The following ZAP70 variants were observed in gnomAD, a reference collection of about 807,000 sequenced individuals.
ZAP70 encodes tyrosine-protein kinase ZAP-70.
Under a neutral mutation model 65.8 loss-of-function variants are expected in ZAP70, and 27 were observed. The ratio of observed to expected loss-of-function variants is 0.41; its 90% CI spans 0.30 to 0.57. The LOEUF (loss-of-function observed/expected upper bound fraction) is 0.57. ZAP70 is among the 20% of genes least tolerant of loss of function. The pLI is 0.28. For synonymous variants in ZAP70, 363 were observed against 360.8 expected (o/e 1.01, Z -0.07); for missense variants, 696 against 870.5 (o/e 0.80, Z 2.52).
chr2:97,732,419 G>A (rs545204750), intron 4 of ZAP70, among the ~76,000 whole-genome samples: 2 of 152,162 alleles, frequency 1.3e-5, no homozygotes, highest in African/African-American at 4.8e-5. Context: ...GTTGTAGAAG[G>A]CCAAGTGCCC....
intron 8 of ZAP70, 94 bp from the exon 9 acceptor site, chr2:97,734,426 C>G: frequency 6.7e-7 from 1 of 1,487,790 alleles, no homozygotes; most frequent in South Asian, 1.3e-5. Context: ...AGGGACGGCA[C>G]CCTTGTCTGG....
At position 97,716,736 on chromosome 2, in the gene ZAP70, T is replaced by C. The variant is rs1573247379; in HGVS notation, c.-22+2742T>C. The stretch of plus-strand genomic sequence containing the variant: ...GAGTGGCGGGGGGTGGTGATGGGCA[T>C]CATGAAGGGCCTTGGGGGCCACCCT... On this transcript the variant is annotated intron_variant, in intron 2 of 13. Transcript: ENST00000264972. Among the ~76,000 whole-genome samples the C allele has an allele frequency of 2.0e-5, 3 of 151,854 alleles. 1 individual carries two copies. The highest frequency in any genetic ancestry group is 2.0e-4 in the Admixed American group (3 of 15,252).
At chr2:97,745,108 G>A in the ZAP70 span, among the ~76,000 whole-genome samples, 17 of 152,080 alleles carry the variant, frequency 1.1e-4, no homozygotes, top group African/African-American at 3.4e-4. Context: ...GTGCAATCTC[G>A]GCTCACTACA....
chr2:97,737,696 G>A lies in ZAP70; in HGVS notation c.1482+31G>A. ...CCTCTGCCCCTGTGATGCCCGACTGGATGGGCTGGGTGGGTAGAGGGTCCC... is the reference window on the plus strand; with the variant it reads ...CCTCTGCCCCTGTGATGCCCGACTGAATGGGCTGGGTGGGTAGAGGGTCCC... On this transcript the variant is annotated intron_variant, in intron 11 of 13. Transcript: ENST00000264972. This position sits in a 1 kb window ranked among gnomAD's most constrained non-coding sequence, Gnocchi z 5.0. 1 of 1,614,060 alleles carries A rather than the reference G, an allele frequency of 6.2e-7. No individual in the cohort carries two copies. The highest frequency in any genetic ancestry group is 1.1e-5 in the South Asian group (1 of 91,088).
intron 4 of ZAP70, among the ~76,000 whole-genome samples, chr2:97,732,004 G>A (rs1677630496): frequency 6.6e-6 from 1 of 152,144 alleles, no homozygotes; most frequent in African/African-American, 2.4e-5. Context: ...GATGCTGACT[G>A]GTGTCACTGT....
the ZAP70 span, chr2:97,756,304 C>A: frequency 2.6e-5 from 4 of 152,138 alleles, no homozygotes; most frequent in African/African-American, 9.7e-5. Context: ...AATAAATACA[C>A]CTTGTGTGTA....
chr2:97,739,367 C>T lies in ZAP70; in HGVS notation c.1737-8C>T. 1 of 1,613,322 alleles carries T rather than the reference C, an allele frequency of 6.2e-7. No homozygotes were observed. Among genetic ancestry groups the T allele is most frequent in the South Asian group, 1.1e-5 (1 of 91,060 alleles). ...GTCAGCAGCCTGGATGTACCCCACG[C>T]CCCACAGGTGGGAGGATCGCCCCGA... On this transcript the variant is annotated splice_region_variant and splice_polypyrimidine_tract_variant and intron_variant, in intron 13 of 13. Transcript: ENST00000264972.
At chr2:97,735,085 C>G in intron 9 of ZAP70, 165 bp from the exon 10 acceptor site, 1 of 816,842 alleles carries the variant, frequency 1.2e-6, no homozygotes, top group Non-Finnish European at 1.9e-6. Flanking sequence ...CCTCAGCAGA[C>G]GCTCCAGGCT....
chr2:97,755,312 T>A, the ZAP70 span, among the ~76,000 whole-genome samples: 1 of 152,164 alleles, frequency 6.6e-6, no homozygotes, highest in Non-Finnish European at 1.5e-5. Flanking sequence ...AAAATTTAGA[T>A]GTGTAGTCTT....
At chr2:97,714,318 A>G (rs1203706492) in intron 2 of ZAP70, among the ~76,000 whole-genome samples, 2 of 152,122 alleles carry the variant, frequency 1.3e-5, no homozygotes, top group East Asian at 3.9e-4. Context: ...CTCCAGAGAA[A>G]GCGCATGTGC....
At chr2:97,740,268 C>T (rs76144507), downstream of ZAP70, among the ~76,000 whole-genome samples, 93 of 152,284 alleles carry the variant, frequency 6.1e-4, no homozygotes, top group Middle Eastern at 3.4e-3. Flanking sequence ...GGTAGATGCA[C>T]GTATTAGCTC....
Position 97,723,997 on chromosome 2 carries a change from A to G in ZAP70, c.-21-19A>G. ...TCAGGAAGGCCCTGACGTGCCTCCG[A>G]CCCTCTGTGAACCCGCAGGTTTCGG... On this transcript the variant is annotated intron_variant, in intron 2 of 13. Transcript: ENST00000264972. The G allele has an allele frequency of 6.5e-7, 1 of 1,537,226 alleles. No individual in the cohort carries two copies. The highest frequency in any genetic ancestry group is 1.4e-5 in the African/African-American group (1 of 73,116).
At chr2:97,744,848 G>A (rs904069067), downstream of ZAP70, among the ~76,000 whole-genome samples, 2 of 152,034 alleles carry the variant, frequency 1.3e-5, no homozygotes, top group South Asian at 4.1e-4. Context: ...TAACTAAAAT[G>A]GATCAATGAC....
chr2:97,740,435 T>C (rs772465182), downstream of ZAP70, among the ~76,000 whole-genome samples: 8 of 152,240 alleles, frequency 5.3e-5, no homozygotes, highest in Non-Finnish European at 5.9e-5. Flanking sequence ...TCAGTTTTAT[T>C]AAAATTCATT....
chr2:97,716,826 G>T (rs2104638206), intron 2 of ZAP70, among the ~76,000 whole-genome samples: 1 of 152,244 alleles, frequency 6.6e-6, no homozygotes, highest in Non-Finnish European at 1.5e-5. Context: ...AGAAGAGGAT[G>T]TGATGGCATG....
the ZAP70 span, among the ~76,000 whole-genome samples, chr2:97,752,866 C>T: frequency 2.6e-5 from 4 of 152,144 alleles, no homozygotes; most frequent in African/African-American, 9.6e-5. Context: ...TGGGATTGGT[C>T]TATATTTTAA....
At position 97,724,736 on chromosome 2, in the gene ZAP70, G is replaced by T. The variant is rs565708035; in HGVS notation, c.402+298G>T. Reference sequence around the variant, plus strand: ...AGGCGAGGCTTGGAATGGGGGCGGGGCTGAGAGGAGGGTGCGCGGGGCTAG... The same window carrying T: ...AGGCGAGGCTTGGAATGGGGGCGGGTCTGAGAGGAGGGTGCGCGGGGCTAG... On this transcript the variant is annotated intron_variant, in intron 3 of 13. Coordinates refer to ENST00000264972, the MANE Select transcript of ZAP70 (RefSeq NM_001079.4). The T allele has an allele frequency of 4.7e-5, 71 of 1,509,232 alleles. No individual in the cohort carries two copies. In the Admixed American group the frequency reaches 7.0e-4, roughly 15 times the overall value. The allele number at this position is 1,509,232 out of a possible 1,614,324, so 93.5% of individuals were successfully genotyped here.
At chr2:97,722,767 T>C (rs1439958235) in intron 2 of ZAP70, among the ~76,000 whole-genome samples, 1 of 152,254 alleles carries the variant, frequency 6.6e-6, no homozygotes, top group Non-Finnish European at 1.5e-5. Context: ...ATCAACTGTG[T>C]CTATCTGGCT....
At position 97,734,655 on chromosome 2, in the gene ZAP70, T is replaced by A; in HGVS notation, c.1025T>A (p.Ile342Asn). 1 of 1,614,196 alleles carries A rather than the reference T, an allele frequency of 6.2e-7. No individual in the cohort carries two copies. Among genetic ancestry groups the A allele is most frequent in the Non-Finnish European group, 8.5e-7 (1 of 1,180,030 alleles). ...CGCGATAACCTCCTCATAGCTGACA[T>A]TGAACTTGGCTGCGGCAACTTTGGC... is the stretch of plus-strand genomic sequence containing the variant. ...LKRDNLLIAD[I>N]ELGCGNFGSV... Residue 342 changes from isoleucine to asparagine, a missense_variant, in exon 9 of 14, where the codon ATT becomes AAT. Around this residue, in one of 3 missense-constraint regions of ZAP70, gnomAD observed 551 missense variants for 630.0 expected, o/e 0.87. Transcript: ENST00000264972.
Sources: allele counts gnomAD v4.1 joint callset (sites outside exome capture counted in the v4.1 genomes callset), GRCh38; gene constraint gnomAD v4.1.1; regional missense constraint gnomAD v4.1.1; non-coding constraint Gnocchi (gnomAD v3.1); transcripts MANE v1.5; gene names NCBI Gene and HGNC (gene_info 2026-07-23, HGNC 2026-07-21).